Variants in RAPH1 observed in about 807,000 individuals in gnomAD.
The protein encoded by RAPH1 is Ras association (RalGDS/AF-6) and pleckstrin homology domains 1.
A neutral mutation model predicts 88.1 loss-of-function variants in RAPH1; 18 were observed. The observed-to-expected ratio is 0.20, with a 90% CI of 0.14 to 0.30. The LOEUF is 0.30. Ranked by LOEUF, RAPH1 falls within the 10% of genes least tolerant of loss-of-function variation. RAPH1 has a pLI of 1.00. For missense variants in RAPH1, 1,448 were observed against 1,543.2 expected (o/e 0.94, Z 1.03); for synonymous variants, 587 against 559.0 (o/e 1.05, Z -0.71).
intron 1 of RAPH1, among the ~76,000 whole-genome samples, chr2:203,501,814 T>C (rs1478877651): frequency 6.7e-5 from 5 of 74,180 alleles, no homozygotes; most frequent in African/African-American, 2.3e-4. Flanking sequence ...CTAAGCATTA[T>C]GAAAAAAAAA....
intron 4 of RAPH1, among the ~76,000 whole-genome samples, chr2:203,487,378 G>GT (rs899227869): frequency 2.4e-4 from 35 of 148,916 alleles, no homozygotes; most frequent in Non-Finnish European, 2.7e-4. Flanking sequence ...ATAGAAATCA[G>GT]TTTTTTTTTT....
Position 203,440,159 on chromosome 2 carries a change from C to G in RAPH1, c.3031G>C (p.Gly1011Arg). 6.2e-7 allele frequency: 1 copy of G among 1,613,628 alleles called. No individual in the cohort carries two copies. Among genetic ancestry groups the G allele is most frequent in the Non-Finnish European group, 8.5e-7 (1 of 1,179,986 alleles). The change falls in exon 14 of 14, where the codon GGG becomes CGG. Residue 1011 changes from glycine (G) to arginine (R), a missense_variant. Gly to Arg is a moderately radical substitution (Grantham distance 125). This residue lies in a region of RAPH1 where 935 missense variants were observed against 890.1 expected (regional missense o/e 1.05). Coordinates refer to ENST00000319170, the MANE Select transcript of RAPH1 (RefSeq NM_213589.3). ...GGTAGGGTCTCCTTGCTGGGAGACCCTGATTCTGCTGGCGGTGTAAACTTG... is the reference window on the plus strand; with the variant it reads ...GGTAGGGTCTCCTTGCTGGGAGACCGTGATTCTGCTGGCGGTGTAAACTTG... ...VSKFTPPAES[G>R]SPSKETLPPP...
chr2:203,441,219 T>C lies in RAPH1; in HGVS notation c.1971A>G (p.Ala657=). The C allele has an allele frequency of 7.2e-7, 1 of 1,390,400 alleles. No individual in the cohort carries two copies. Among genetic ancestry groups the C allele is most frequent in the Non-Finnish European group, 9.6e-7 (1 of 1,044,712 alleles). 86.1% of individuals were successfully genotyped at this position (1,390,400 alleles called of 1,614,324 possible). A position where few individuals can be genotyped will look rare whatever the true frequency, so the allele number is the denominator to read the frequency against. ...PPLPSQSAPS[A]GSAAPMFVKY... is the part of the protein sequence containing the mutation. Reference sequence around the variant, plus strand: ...TGACGAACATTGGGGCTGCTGAGCCTGCAGAAGGTGCAGACTGGCTGGGGA... The same window carrying C: ...TGACGAACATTGGGGCTGCTGAGCCCGCAGAAGGTGCAGACTGGCTGGGGA... Residue 657 remains alanine (A), a synonymous_variant, in exon 14 of 14, where the codon GCA becomes GCG. Transcript: ENST00000319170.
chr2:203,464,275 T>G (rs1339925903), intron 4 of RAPH1, among the ~76,000 whole-genome samples: 1 of 152,242 alleles, frequency 6.6e-6, no homozygotes, highest in Non-Finnish European at 1.5e-5. Flanking sequence ...AAACATGAAC[T>G]TTTTTCTTTT....
intron 4 of RAPH1, chr2:203,470,398 C>T: frequency 2.5e-6 from 2 of 784,878 alleles, no homozygotes; most frequent in South Asian, 1.8e-5. Context: ...ATAAAGTAGA[C>T]AAAGCAAGAA....
rs2098524498 is a variant in RAPH1 at position 203,461,928 on chromosome 2, G to A, written c.733-3C>T. 1 of 1,604,718 alleles carries A rather than the reference G, an allele frequency of 6.2e-7. No individual in the cohort carries two copies. The highest frequency in any genetic ancestry group is 8.5e-7 in the Non-Finnish European group (1 of 1,175,310). On this transcript the variant is annotated splice_region_variant and splice_polypyrimidine_tract_variant and intron_variant, in intron 4 of 13. Transcript: ENST00000319170. The stretch of plus-strand genomic sequence containing the variant: ...TTCAATTTTGCTGCCTGTTCTTCCT[G>A]TGAACACAAAGCATTTCAGATAAAC...
chr2:203,471,591 G>A (rs1201706313), intron 4 of RAPH1, among the ~76,000 whole-genome samples: 1 of 151,564 alleles, frequency 6.6e-6, no homozygotes, highest in African/African-American at 2.4e-5. Flanking sequence ...TAGCCTGGGC[G>A]ACAAGTGAAA....
chr2:203,529,865 T>C (rs1383515903), intron 1 of RAPH1, among the ~76,000 whole-genome samples: 2 of 152,218 alleles, frequency 1.3e-5, no homozygotes, highest in African/African-American at 4.8e-5. Flanking sequence ...GTTCCTCCTT[T>C]TGTAAACTTT....
chr2:203,530,687 T>A (rs1690349933), intron 1 of RAPH1, among the ~76,000 whole-genome samples: 1 of 150,920 alleles, frequency 6.6e-6, no homozygotes, highest in East Asian at 2.0e-4. Flanking sequence ...AGGTCAGGAG[T>A]TCAAGATCAG....
At chr2:203,449,433 G>A (rs2153636997) in intron 10 of RAPH1, among the ~76,000 whole-genome samples, 1 of 152,306 alleles carries the variant, frequency 6.6e-6, no homozygotes, top group African/African-American at 2.4e-5. Flanking sequence ...GGGACACATA[G>A]ATGTCAACAG....
chr2:203,513,997 C>T (rs1689485273), intron 1 of RAPH1, among the ~76,000 whole-genome samples: 1 of 151,874 alleles, frequency 6.6e-6, no homozygotes, highest in African/African-American at 2.4e-5. Context: ...GGCACACCAC[C>T]ACACCCAGCT....
intron 2 of RAPH1, among the ~76,000 whole-genome samples, chr2:203,493,207 C>T (rs1688351059): frequency 6.6e-6 from 1 of 152,128 alleles, no homozygotes; most frequent in East Asian, 1.9e-4. Context: ...AGAACAGTCA[C>T]GTCATTAGTG....
At chr2:203,506,867 T>TATCG (rs1235877963) in intron 1 of RAPH1, among the ~76,000 whole-genome samples, 1 of 40,866 alleles carries the variant, frequency 2.4e-5, no homozygotes, top group South Asian at 1.2e-3. Context: ...TATATATATA[T>TATCG]ATATATATAT....
intron 1 of RAPH1, among the ~76,000 whole-genome samples, chr2:203,496,383 T>C (rs1688517736): frequency 6.6e-6 from 1 of 152,058 alleles, no homozygotes; most frequent in Admixed American, 6.6e-5. Flanking sequence ...TAAAATAGTG[T>C]GATATCTGAC....
intron 7 of RAPH1, 135 bp downstream of exon 7, chr2:203,459,772 A>C: frequency 1.2e-6 from 1 of 860,124 alleles, no homozygotes; most frequent in East Asian, 2.6e-5. Context: ...GTAGTAGATG[A>C]TGCTCCTATA....
At chr2:203,485,170 G>A (rs763546978) in intron 4 of RAPH1, among the ~76,000 whole-genome samples, 4 of 152,076 alleles carry the variant, frequency 2.6e-5, no homozygotes, top group Non-Finnish European at 5.9e-5. Context: ...TTGGGAGGCC[G>A]AGGCAGGTGG....
chr2:203,433,776 C>A lies in RAPH1; in HGVS notation c.*5661G>T, dbSNP rs1363206409. On this transcript the variant is annotated 3_prime_UTR_variant, in exon 14 of 14. Coordinates refer to ENST00000319170, the MANE Select transcript of RAPH1 (RefSeq NM_213589.3). Reference sequence around the variant, plus strand: ...CTGACATGAAATGCAAAACCAGATTCTTAATGGTGCCGATCCACAAACACT... The same window carrying A: ...CTGACATGAAATGCAAAACCAGATTATTAATGGTGCCGATCCACAAACACT... 1 of 152,380 alleles carries A rather than the reference C, an allele frequency of 6.6e-6. No homozygotes were observed. The highest frequency in any genetic ancestry group is 1.5e-5 in the Non-Finnish European group (1 of 68,016). 9.4% of individuals were successfully genotyped at this position (152,380 alleles called of 1,614,324 possible).
intron 1 of RAPH1, among the ~76,000 whole-genome samples, chr2:203,531,047 G>A (rs945130665): frequency 6.6e-6 from 1 of 152,090 alleles, no homozygotes; most frequent in Non-Finnish European, 1.5e-5. Context: ...GAATGAAGTT[G>A]GACCCTTACC....
intron 1 of RAPH1, among the ~76,000 whole-genome samples, chr2:203,527,893 G>A (rs1301129738): frequency 1.3e-5 from 2 of 151,868 alleles, no homozygotes; most frequent in Non-Finnish European, 2.9e-5. Context: ...AAAGGTGGAG[G>A]AGAGGGTAAG....
Sources: allele counts gnomAD v4.1 joint callset (sites outside exome capture counted in the v4.1 genomes callset), GRCh38; gene constraint gnomAD v4.1.1; regional missense constraint gnomAD v4.1.1; transcripts MANE v1.5; gene names NCBI Gene and HGNC (gene_info 2026-07-23, HGNC 2026-07-21).